Variants in ADAMTS2 observed in about 807,000 individuals in gnomAD.
ADAMTS2 encodes the protein A disintegrin and metalloproteinase with thrombospondin motifs 2.
Under a neutral mutation model 123.0 loss-of-function variants are expected in ADAMTS2, and 50 were observed. The observed-to-expected ratio is 0.41, with a 90% CI of 0.32 to 0.51. ADAMTS2 has a LOEUF of 0.51. Among genes scored for constraint, ADAMTS2 ranks in the 20% least tolerant of loss-of-function variants. The pLI, the probability that ADAMTS2 is intolerant of heterozygous loss-of-function variation, is 0.35. For synonymous variants in ADAMTS2, 678 were observed against 695.4 expected (o/e 0.98, Z 0.39); for missense variants, 1,494 against 1,705.2 (o/e 0.88, Z 2.18).
chr5:179,204,516 C>T (rs1055883031), intron 4 of ADAMTS2, among the ~76,000 whole-genome samples: 2 of 152,226 alleles, frequency 1.3e-5, no homozygotes, highest in Non-Finnish European at 2.9e-5. Context: ...CCCAGCACCG[C>T]GGGAAGCTCT....
chr5:179,267,718 C>T (rs1006843752), intron 3 of ADAMTS2, among the ~76,000 whole-genome samples: 1 of 152,174 alleles, frequency 6.6e-6, no homozygotes, highest in Admixed American at 6.5e-5. Context: ...GGAGGGGACC[C>T]CAGGCATGAC....
intron 2 of ADAMTS2, among the ~76,000 whole-genome samples, chr5:179,316,140 G>A (rs1281007101): frequency 6.6e-6 from 1 of 152,178 alleles, no homozygotes; most frequent in Non-Finnish European, 1.5e-5. Context: ...GAGGCAGCAG[G>A]CAGACATCCA....
In ADAMTS2 at chr5:179,162,520, C is replaced by T. The variant is rs928577461; in HGVS notation, c.976-3641G>A. Among the ~76,000 whole-genome samples, 7 of 152,164 alleles carry T rather than the reference C, an allele frequency of 4.6e-5. No homozygotes were observed. The highest frequency in any genetic ancestry group is 7.4e-5 in the Non-Finnish European group (5 of 68,026). ...GCTCCCAGGCTCATTCAGGTGGTCA[C>T]GGCGGGCCCCAGCTGAGCTGTTGCA... On this transcript the variant is annotated intron_variant, in intron 5 of 21. Transcript: ENST00000251582. The surrounding 1 kb of genome is among the most constrained non-coding windows in gnomAD (Gnocchi z 5.1).
chr5:179,207,795 C>G, intron 3 of ADAMTS2, 80 bp from the exon 4 acceptor site: 1 of 1,320,724 alleles, frequency 7.6e-7, no homozygotes, highest in South Asian at 1.2e-5. Flanking sequence ...CTTGGCCATC[C>G]TCTCATTTAA....
rs1764451997 is a variant in ADAMTS2, at chr5:179,197,392, C to T, written c.891+10121G>A. Reference sequence around the variant, plus strand: ...AGGAAGCTTCAGCCTTGGGCCCAAGCTTTATATTTCTTGAAGTCTTGGCAC... The same window carrying T: ...AGGAAGCTTCAGCCTTGGGCCCAAGTTTTATATTTCTTGAAGTCTTGGCAC... On this transcript the variant is annotated intron_variant, in intron 4 of 21. Transcript: ENST00000251582. The surrounding 1 kb of genome is among the most constrained non-coding windows in gnomAD (Gnocchi z 4.2). Among the ~76,000 whole-genome samples, 1 of 152,134 alleles carries T rather than the reference C, an allele frequency of 6.6e-6. No homozygotes were observed. Among genetic ancestry groups the T allele is most frequent in the Admixed American group, 6.5e-5 (1 of 15,282 alleles).
At chr5:179,165,666 C>T (rs1275770796) in intron 5 of ADAMTS2, among the ~76,000 whole-genome samples, 1 of 152,192 alleles carries the variant, frequency 6.6e-6, no homozygotes, top group Admixed American at 6.5e-5. Context: ...GTAGATGGTG[C>T]TGTATGACCG....
intron 1 of ADAMTS2, among the ~76,000 whole-genome samples, chr5:179,344,796 T>G (rs1757893028): frequency 6.6e-6 from 1 of 151,568 alleles, no homozygotes; most frequent in African/African-American, 2.4e-5. Flanking sequence ...AACCAATCCT[T>G]AGGGCCCAAG....
At chr5:179,338,198 T>C (rs1439726069) in intron 2 of ADAMTS2, among the ~76,000 whole-genome samples, 1 of 152,132 alleles carries the variant, frequency 6.6e-6, no homozygotes, top group Admixed American at 6.5e-5. Context: ...CCGGCCTTCA[T>C]GAGGGGCTGG....
rs73808252 is a variant in ADAMTS2, at chr5:179,314,758, G to A, written c.534+29009C>T. On this transcript the variant is annotated intron_variant, in intron 2 of 21. Transcript: ENST00000251582. The surrounding 1 kb of genome is among the most constrained non-coding windows in gnomAD (Gnocchi z 4.5). ...CACCCAGGTGGGGCTCCTGTCCCCC[G>A]CCAGTGCCCCCAACCTCTACTCCAG... Among the ~76,000 whole-genome samples the A allele has an allele frequency of 0.012, 1,831 of 152,088 alleles. 46 individuals carry two copies. Among genetic ancestry groups the A allele is most frequent in the African/African-American group, 0.038 (1,575 of 41,474 alleles).
intron 5 of ADAMTS2, among the ~76,000 whole-genome samples, chr5:179,167,002 C>T (rs1216697961): frequency 3.3e-5 from 5 of 152,202 alleles, no homozygotes; most frequent in African/African-American, 9.6e-5. Flanking sequence ...GAGGCGCCGG[C>T]TGCGGGGACG....
chr5:179,141,602 A>G (rs1393688508), intron 10 of ADAMTS2, among the ~76,000 whole-genome samples: 2 of 152,194 alleles, frequency 1.3e-5, no homozygotes, highest in African/African-American at 4.8e-5. Flanking sequence ...TCTTGGTAAG[A>G]AAAGCAAAAG....
chr5:179,168,603 C>T (rs760091964), intron 5 of ADAMTS2, among the ~76,000 whole-genome samples: 8 of 152,194 alleles, frequency 5.3e-5, no homozygotes, highest in East Asian at 1.9e-4. Context: ...TTATGATTGT[C>T]GTCATTCCTG....
intron 21 of ADAMTS2, among the ~76,000 whole-genome samples, chr5:179,116,278 G>A (rs1041494253): frequency 2.9e-4 from 14 of 47,698 alleles, no homozygotes; most frequent in Admixed American, 1.2e-3. Context: ...CCCACCCCCC[G>A]CCACTTGAAG....
chr5:179,122,028 C>G (rs902949413), intron 20 of ADAMTS2, among the ~76,000 whole-genome samples: 2 of 152,136 alleles, frequency 1.3e-5, no homozygotes, highest in Non-Finnish European at 2.9e-5. Flanking sequence ...TCCTCTGCCC[C>G]TGCACCCTGC....
chr5:179,245,204 A>T (rs940740546), intron 3 of ADAMTS2, among the ~76,000 whole-genome samples: 11 of 152,170 alleles, frequency 7.2e-5, no homozygotes, highest in Admixed American at 7.2e-4. Context: ...TTGCTGGCAT[A>T]AAAGACGAAG....
At chr5:179,287,525 G>A (rs1231904890) in intron 2 of ADAMTS2, among the ~76,000 whole-genome samples, 1 of 152,204 alleles carries the variant, frequency 6.6e-6, no homozygotes, top group Non-Finnish European at 1.5e-5. Context: ...GCTCCCGTGT[G>A]GGGGCACTCC....
chr5:179,203,876 G>A (rs890871496), intron 4 of ADAMTS2, among the ~76,000 whole-genome samples: 14 of 138,448 alleles, frequency 1.0e-4, no homozygotes, highest in African/African-American at 3.5e-4. Flanking sequence ...TCAAGAGAAC[G>A]GAAAACAGAG....
rs114151468 is a variant in ADAMTS2 at position 179,233,158 on chromosome 5, A to C, written c.689-25443T>G. Among the ~76,000 whole-genome samples, 768 of 152,344 alleles carry C rather than the reference A, an allele frequency of 5.0e-3. 4 individuals are homozygous for C. The highest frequency in any genetic ancestry group is 0.017 in the African/African-American group (690 of 41,570). ...ATCAAGAAAAGTAAATATCAAGTAT[A>C]ATTTGCAGAGTTGCAGATAACTCCA... On this transcript the variant is annotated intron_variant, in intron 3 of 21. Coordinates refer to ENST00000251582, the MANE Select transcript of ADAMTS2 (RefSeq NM_014244.5).
intron 5 of ADAMTS2, among the ~76,000 whole-genome samples, chr5:179,164,271 G>A (rs1052750429): frequency 6.6e-6 from 1 of 152,246 alleles, no homozygotes; most frequent in Non-Finnish European, 1.5e-5. Context: ...GGGCTATGGG[G>A]TACCCATGAG....
Sources: allele counts gnomAD v4.1 joint callset (sites outside exome capture counted in the v4.1 genomes callset), GRCh38; gene constraint gnomAD v4.1.1; non-coding constraint Gnocchi (gnomAD v3.1); transcripts MANE v1.5; gene names NCBI Gene and HGNC (gene_info 2026-07-23, HGNC 2026-07-21).